GLIS1: variants seen among roughly 807,000 people sequenced by gnomAD.
GLIS1 encodes GLIS family zinc finger 1.
In GLIS1, 24 loss-of-function variants were observed where a neutral mutation model predicts 63.8. The observed-to-expected ratio is 0.38, with a 90% CI of 0.27 to 0.53. The LOEUF is 0.53. Ranked by LOEUF, GLIS1 falls within the 20% of genes least tolerant of loss-of-function variation. GLIS1 has a pLI of 0.85. For missense variants in GLIS1, 1,036 were observed against 1,074.1 expected (o/e 0.96, Z 0.50); for synonymous variants, 450 against 482.5 (o/e 0.93, Z 0.88).
intron 2 of GLIS1, among the ~76,000 whole-genome samples, chr1:53,602,036 C>T (rs931588423): frequency 6.6e-6 from 1 of 152,148 alleles, no homozygotes; most frequent in Non-Finnish European, 1.5e-5. Context: ...CACGCGAGCC[C>T]GTGGAGAGGA....
chr1:53,565,707 G>A lies in GLIS1; in HGVS notation c.1320+28401C>T, dbSNP rs562215801. The stretch of plus-strand genomic sequence containing the variant: ...AGTTCTATGCCAATTAAAGTAATTG[G>A]ATCAGTAGTTTAAAATCTTTCCACA... On this transcript the variant is annotated intron_variant, in intron 4 of 10. Transcript: ENST00000628545. Among the ~76,000 whole-genome samples the A allele has an allele frequency of 5.3e-5, 8 of 152,042 alleles. No individual in the cohort carries two copies. In the South Asian group the frequency reaches 1.7e-3, roughly 32 times the overall value.
chr1:53,520,543 G>A, intron 7 of GLIS1, 91 bp downstream of exon 7: 2 of 1,377,180 alleles, frequency 1.5e-6, no homozygotes, highest in Non-Finnish European at 1.9e-6. Flanking sequence ...GCCCATGTGG[G>A]CGGCCCACTG....
chr1:53,721,667 A>C (rs1557541138), intron 2 of GLIS1, among the ~76,000 whole-genome samples: 1 of 152,182 alleles, frequency 6.6e-6, no homozygotes, highest in Non-Finnish European at 1.5e-5. Flanking sequence ...AGGTGATTTT[A>C]AAAACTATGT....
At position 53,524,818 on chromosome 1, in the gene GLIS1, C is replaced by T. The variant is rs139283145; in HGVS notation, c.1552G>A (p.Val518Ile). Residue 518 changes from valine to isoleucine, a missense_variant, in exon 6 of 11, where the codon GTC (valine) becomes ATC (isoleucine). Coordinates refer to ENST00000628545, the MANE Select transcript of GLIS1 (RefSeq NM_001367484.1). Reference protein sequence around the residue: ...YTDPSSLRKHVKAHSAKEQQV... With the variant: ...YTDPSSLRKHIKAHSAKEQQV... Reference sequence around the variant, plus strand: ...TGCTCTTTGGCTGAATGGGCCTTGACGTGCTTGCGGAGGGAGCTGGGGTCT... The same window carrying T: ...TGCTCTTTGGCTGAATGGGCCTTGATGTGCTTGCGGAGGGAGCTGGGGTCT... The T allele has an allele frequency of 8.2e-5, 133 of 1,612,956 alleles. 1 individual carries two copies. The African/African-American group carries it at 1.2e-3, about 15-fold the overall frequency.
At chr1:53,616,337 G>A (rs3013746) in intron 2 of GLIS1, among the ~76,000 whole-genome samples, 146,843 of 152,312 alleles carry the variant, frequency 0.96, 70,991 homozygotes, top group East Asian at 1. Context: ...AAATGTATCA[G>A]AGATAAACAT....
chr1:53,510,951 G>A (rs1292193633), intron 8 of GLIS1, among the ~76,000 whole-genome samples: 1 of 152,178 alleles, frequency 6.6e-6, no homozygotes, highest in Non-Finnish European at 1.5e-5. Context: ...GACTGCAGTG[G>A]CTGAGAGCAG....
chr1:53,617,900 G>A (rs1645499586), intron 2 of GLIS1, among the ~76,000 whole-genome samples: 1 of 152,144 alleles, frequency 6.6e-6, no homozygotes, highest in Non-Finnish European at 1.5e-5. Context: ...GAGTGGGGGT[G>A]AGCAGGACTG....
chr1:53,541,588 A>G (rs924853628), intron 4 of GLIS1, among the ~76,000 whole-genome samples: 2 of 152,268 alleles, frequency 1.3e-5, no homozygotes, highest in Non-Finnish European at 2.9e-5. Context: ...CCAGGACATC[A>G]GCCCTGCACA....
At chr1:53,544,626 C>T (rs1229609297) in intron 4 of GLIS1, among the ~76,000 whole-genome samples, 1 of 152,242 alleles carries the variant, frequency 6.6e-6, no homozygotes, top group Non-Finnish European at 1.5e-5. Flanking sequence ...CTCTGGGGAC[C>T]CTCCAGCTGT....
At chr1:53,640,956 G>T (rs939246541) in intron 2 of GLIS1, among the ~76,000 whole-genome samples, 5 of 152,160 alleles carry the variant, frequency 3.3e-5, no homozygotes, top group African/African-American at 1.2e-4. Flanking sequence ...ACACTCTTAG[G>T]CCTCTGGAGG....
chr1:53,725,859 C>T (rs1275152911), intron 2 of GLIS1, among the ~76,000 whole-genome samples: 1 of 152,204 alleles, frequency 6.6e-6, no homozygotes, highest in Admixed American at 6.5e-5. Context: ...GAGAGCCACT[C>T]TGAGTTGCTG....
At chr1:53,568,827 G>T (rs1284768787) in intron 4 of GLIS1, among the ~76,000 whole-genome samples, 1 of 152,174 alleles carries the variant, frequency 6.6e-6, no homozygotes, top group East Asian at 1.9e-4. Context: ...TGTTAAGCCT[G>T]TGGCTCTGTG....
chr1:53,555,971 G>A (rs1333651058), intron 4 of GLIS1, among the ~76,000 whole-genome samples: 1 of 130,722 alleles, frequency 7.6e-6, no homozygotes, highest in African/African-American at 2.7e-5. Flanking sequence ...TGTGTGTGCA[G>A]GTATACTGCA....
intron 4 of GLIS1, among the ~76,000 whole-genome samples, chr1:53,551,601 C>T (rs1272400335): frequency 6.6e-6 from 1 of 152,170 alleles, no homozygotes; most frequent in Non-Finnish European, 1.5e-5. Context: ...CAACAAGAAG[C>T]CCCGCGAAGG....
intron 2 of GLIS1, among the ~76,000 whole-genome samples, chr1:53,698,581 G>A (rs147019948): frequency 8.7e-4 from 132 of 152,328 alleles, no homozygotes; most frequent in African/African-American, 3.0e-3. Context: ...AGATATTTGT[G>A]AGCACAGAAC....
At chr1:53,625,412 A>C (rs1464042666) in intron 2 of GLIS1, among the ~76,000 whole-genome samples, 5 of 152,224 alleles carry the variant, frequency 3.3e-5, no homozygotes, top group African/African-American at 1.2e-4. Flanking sequence ...TGAGTGACAC[A>C]TCAGTAACCT....
intron 4 of GLIS1, among the ~76,000 whole-genome samples, chr1:53,556,156 CTGTG>C (rs1424839487): frequency 6.3e-5 from 6 of 95,668 alleles, no homozygotes; most frequent in Admixed American, 3.9e-4. Flanking sequence ...TGTACTGCAG[CTGTG>C]TGTGTGTATG....
chr1:53,509,098 G>A (rs906325786), intron 10 of GLIS1, 22 bp downstream of exon 10: 3 of 1,542,746 alleles, frequency 1.9e-6, no homozygotes, highest in Admixed American at 1.9e-5. Context: ...CCAGGACTGG[G>A]AGCCACGCAG....
chr1:53,657,006 G>A (rs1406582943), intron 2 of GLIS1, among the ~76,000 whole-genome samples: 3 of 110,290 alleles, frequency 2.7e-5, no homozygotes, highest in African/African-American at 8.3e-5. Context: ...TCAATGAGCT[G>A]AGGGACAGCG....
Sources: allele counts gnomAD v4.1 joint callset (sites outside exome capture counted in the v4.1 genomes callset), GRCh38; gene constraint gnomAD v4.1.1; transcripts MANE v1.5; gene names NCBI Gene and HGNC (gene_info 2026-07-23, HGNC 2026-07-21).